The following VGLL1 variants were observed in gnomAD, a reference collection of about 807,000 sequenced individuals.
VGLL1 encodes the protein vestigial like family member 1.
A neutral mutation model predicts 12.0 loss-of-function variants in VGLL1; 4 were observed. The observed-to-expected ratio is 0.33, with a 90% CI of 0.16 to 0.76. The LOEUF is 0.76. VGLL1 is among the 30% of genes least tolerant of loss of function. The pLI, the probability that VGLL1 is intolerant of heterozygous loss-of-function variation, is 0.60. For synonymous variants in VGLL1, 87 were observed against 81.2 expected (o/e 1.07, Z -0.39); for missense variants, 204 against 208.7 (o/e 0.98, Z 0.14).
intron 2 of VGLL1, among the ~76,000 whole-genome samples, chrX:136,545,146 A>T (rs2075866295): frequency 8.9e-6 from 1 of 111,956 alleles, no homozygotes; most frequent in East Asian, 2.8e-4. Flanking sequence ...GTGGGAGGGG[A>T]CTTGCTCAGT....
chrX:136,535,947 C>T, intron 1 of VGLL1, 49 bp from the exon 2 acceptor site: 1 of 1,071,992 alleles, frequency 9.3e-7, no homozygotes, highest in Non-Finnish European at 1.3e-6. Context: ...AAACCACAGC[C>T]AAGCCACTTG....
chrX:136,545,874 G>A (rs770023675), intron 2 of VGLL1, among the ~76,000 whole-genome samples: 3 of 111,358 alleles, frequency 2.7e-5, no homozygotes, highest in Admixed American at 9.5e-5. Flanking sequence ...CAGTTTCACC[G>A]AAAAAGGGCA....
chrX:136,543,519 C>T (rs1302342771), intron 2 of VGLL1, among the ~76,000 whole-genome samples: 1 of 111,398 alleles, frequency 9.0e-6, no homozygotes, highest in Non-Finnish European at 1.9e-5. Flanking sequence ...GTGGCTCATT[C>T]CTGTAATCGC....
chrX:136,536,383 G>T, intron 2 of VGLL1, 149 bp downstream of exon 2: 1 of 529,120 alleles, frequency 1.9e-6, no homozygotes, highest in Non-Finnish European at 3.0e-6. Context: ...CCCCTTCTTA[G>T]AAGTTTAATG....
chrX:136,552,519 A>G (rs1305901890), intron 4 of VGLL1, among the ~76,000 whole-genome samples: 1 of 112,441 alleles, frequency 8.9e-6, no homozygotes, highest in African/African-American at 3.2e-5. Flanking sequence ...ACTAAAACTA[A>G]CAGCAACAAC....
intron 1 of VGLL1, 39 bp downstream of exon 1, chrX:136,532,335 A>G (rs2075824610): frequency 8.9e-6 from 1 of 111,741 alleles, no homozygotes; most frequent in African/African-American, 3.3e-5. Context: ...GGAGAAGCAA[A>G]GAAACTTAAC....
chrX:136,551,548 A>C (rs1229520106), intron 4 of VGLL1, among the ~76,000 whole-genome samples: 1 of 112,201 alleles, frequency 8.9e-6, no homozygotes, highest in Admixed American at 9.4e-5. Flanking sequence ...TACTTGCTTC[A>C]GGAACCTGGT....
intron 2 of VGLL1, 60 bp from the exon 3 acceptor site, chrX:136,548,529 A>G: frequency 9.0e-7 from 1 of 1,112,954 alleles, no homozygotes; most frequent in South Asian, 2.1e-5. Flanking sequence ...TAAAAAAAAA[A>G]CTACATCCAT....
chrX:136,548,440 T>C (rs2075875452), intron 2 of VGLL1, 149 bp from the exon 3 acceptor site: 1 of 611,976 alleles, frequency 1.6e-6, no homozygotes. Flanking sequence ...ACAATGGCTG[T>C]TTCTGGATAT....
intron 2 of VGLL1, among the ~76,000 whole-genome samples, chrX:136,545,956 G>A (rs1420206319): frequency 1.8e-5 from 2 of 111,638 alleles, no homozygotes; most frequent in African/African-American, 6.5e-5. Context: ...GAATTCTAGA[G>A]GGATGAATGG....
chrX:136,546,519 T>G (rs762500429), intron 2 of VGLL1, among the ~76,000 whole-genome samples: 2 of 112,544 alleles, frequency 1.8e-5, no homozygotes, highest in South Asian at 7.4e-4. Flanking sequence ...CTGGTGACCA[T>G]ATAGGACTTT....
intron 4 of VGLL1, among the ~76,000 whole-genome samples, chrX:136,554,541 G>A (rs1479144555): frequency 9.0e-6 from 1 of 111,611 alleles, no homozygotes; most frequent in Non-Finnish European, 1.9e-5. Context: ...AGCCATGGAA[G>A]GATTTTACGT....
intron 4 of VGLL1, among the ~76,000 whole-genome samples, chrX:136,553,381 G>GCTCA (rs2075892388): frequency 9.8e-6 from 1 of 102,383 alleles, no homozygotes; most frequent in Non-Finnish European, 2.0e-5. Context: ...CGCAATCTCG[G>GCTCA]CTCACTGCAA....
At chrX:136,548,502 A>T in intron 2 of VGLL1, 87 bp from the exon 3 acceptor site, 1 of 963,814 alleles carries the variant, frequency 1.0e-6, no homozygotes, top group Non-Finnish European at 1.4e-6. Context: ...TCAAGTTAAA[A>T]AAAATAGAGT....
intron 1 of VGLL1, among the ~76,000 whole-genome samples, chrX:136,533,833 G>A (rs983076710): frequency 8.9e-6 from 1 of 112,174 alleles, no homozygotes; most frequent in Non-Finnish European, 1.9e-5. Flanking sequence ...GTAAAGGTAG[G>A]ACAGAAGTTA....
rs202154516 is a variant in VGLL1, at chrX:136,550,870, C to T, written c.688+49C>T. The T allele has an allele frequency of 2.4e-4, 263 of 1,107,761 alleles. No homozygotes were observed. The East Asian group carries it at 3.1e-3, about 13-fold the overall frequency. 91.3% of individuals were successfully genotyped at this position (1,107,761 alleles called of 1,213,427 possible). On this transcript the variant is annotated intron_variant, in intron 4 of 4. Coordinates refer to ENST00000370634, the MANE Select transcript of VGLL1 (RefSeq NM_016267.4). ...ATGGTGTGTGTCTGTATCCTGAGAA[C>T]GAACTTGAGAAATAAGGCTTCTGTC...
chrX:136,532,791 C>G (rs2075829506), intron 1 of VGLL1, among the ~76,000 whole-genome samples: 1 of 107,210 alleles, frequency 9.3e-6, no homozygotes, highest in Non-Finnish European at 1.9e-5. Flanking sequence ...TGCAAACTGC[C>G]TGTTGTTTAG....
intron 2 of VGLL1, among the ~76,000 whole-genome samples, chrX:136,538,366 C>T (rs2075846199): frequency 8.9e-6 from 1 of 112,492 alleles, no homozygotes; most frequent in African/African-American, 3.2e-5. Context: ...CTGTCATATT[C>T]ATTTTTTCTT....
At chrX:136,555,454 CT>C (rs1000776605) in intron 4 of VGLL1, among the ~76,000 whole-genome samples, 1 of 110,926 alleles carries the variant, frequency 9.0e-6, no homozygotes, top group Non-Finnish European at 1.9e-5. Flanking sequence ...TTGAGAAGGT[CT>C]TTTTTTAAGA....
Sources: gnomAD v4.1 joint callset for allele counts (sites outside exome capture counted in the v4.1 genomes callset) on GRCh38, gnomAD v4.1.1 for gene constraint, MANE v1.5 for transcripts, NCBI Gene and HGNC (gene_info 2026-07-23, HGNC 2026-07-21) for gene names.